The following ULK4 variants were observed in gnomAD, a reference collection of about 807,000 sequenced individuals.
The protein encoded by ULK4 is inactive serine/threonine-protein kinase ULK4.
Under a neutral mutation model 160.6 loss-of-function variants are expected in ULK4, and 133 were observed. The observed-to-expected ratio is 0.83, with a 90% confidence interval of 0.72 to 0.96. The LOEUF (loss-of-function observed/expected upper bound fraction) is 0.96, where lower values mean the gene tolerates loss of function less well. ULK4 is among the 40% of genes least tolerant of loss of function. ULK4 has a pLI of 0.00. For missense variants in ULK4, 1,580 were observed against 1,499.5 expected, an observed-to-expected ratio of 1.05 and a Z score of -0.89; for synonymous variants, 534 against 539.8, an observed-to-expected ratio of 0.99 and a Z score of 0.15.
At chr3:41,736,555 T>C (rs1439112965) in intron 22 of ULK4, among the ~76,000 whole-genome samples, 1 of 151,992 alleles carries the variant, frequency 6.6e-6, no homozygotes, top group Non-Finnish European at 1.5e-5. Context: ...TTTTTCCTTG[T>C]AAACTTGTTT....
At chr3:41,474,450 G>C (rs2084081935) in intron 32 of ULK4, among the ~76,000 whole-genome samples, 1 of 152,046 alleles carries the variant, frequency 6.6e-6, no homozygotes, top group Non-Finnish European at 1.5e-5. Context: ...ACTATTCTGG[G>C]CAGTAACTTT....
At chr3:41,773,857 C>A (rs1391090048) in intron 21 of ULK4, among the ~76,000 whole-genome samples, 3 of 152,172 alleles carry the variant, frequency 2.0e-5, no homozygotes, top group Non-Finnish European at 2.9e-5. Flanking sequence ...CAGCATGGTA[C>A]TGGTACCAAA....
At chr3:41,557,039 G>A (rs1042488341) in intron 32 of ULK4, among the ~76,000 whole-genome samples, 3 of 152,010 alleles carry the variant, frequency 2.0e-5, no homozygotes, top group Non-Finnish European at 4.4e-5. Context: ...CATAACTGTG[G>A]TTACTGACTC....
chr3:41,589,820 G>T (rs944293244), intron 31 of ULK4, among the ~76,000 whole-genome samples: 1 of 151,934 alleles, frequency 6.6e-6, no homozygotes, highest in Admixed American at 6.6e-5. Context: ...AAGAAGAAAT[G>T]CAAGAATGGG....
chr3:41,363,240 T>C (rs2081183828), intron 35 of ULK4, among the ~76,000 whole-genome samples: 1 of 152,182 alleles, frequency 6.6e-6, no homozygotes, highest in Non-Finnish European at 1.5e-5. Context: ...CCCCAGGGGC[T>C]GAGGATTATC....
chr3:41,544,607 T>C (rs1006145592), intron 32 of ULK4, among the ~76,000 whole-genome samples: 2 of 152,234 alleles, frequency 1.3e-5, no homozygotes, highest in African/African-American at 4.8e-5. Context: ...CAAACTCTTC[T>C]TTGCTCCAGA....
At chr3:41,940,657 C>CA (rs778506649) in intron 2 of ULK4, among the ~76,000 whole-genome samples, 3 of 151,024 alleles carry the variant, frequency 2.0e-5, no homozygotes, top group South Asian at 2.1e-4. Context: ...ACCCCACCTC[C>CA]AAAAAAAATA....
intron 21 of ULK4, 57 bp downstream of exon 21, chr3:41,789,604 A>T (rs2040090022): frequency 6.9e-7 from 1 of 1,450,064 alleles, no homozygotes; most frequent in African/African-American, 1.4e-5. Flanking sequence ...TGGAACCACT[A>T]AAATGCAGAA....
At chr3:41,564,776 T>C (rs913106374) in intron 32 of ULK4, among the ~76,000 whole-genome samples, 1 of 152,068 alleles carries the variant, frequency 6.6e-6, no homozygotes, top group Non-Finnish European at 1.5e-5. Flanking sequence ...TATTTGTTTT[T>C]TATAAATCGA....
At chr3:41,824,923 C>A (rs113459542) in intron 18 of ULK4, among the ~76,000 whole-genome samples, 4 of 152,232 alleles carry the variant, frequency 2.6e-5, no homozygotes, top group African/African-American at 9.6e-5. Context: ...CCAGTAGGGG[C>A]AGACTGACAC....
chr3:41,942,308 C>T (rs1479693335), intron 2 of ULK4, among the ~76,000 whole-genome samples: 3 of 152,112 alleles, frequency 2.0e-5, no homozygotes, highest in South Asian at 2.1e-4. Flanking sequence ...GACTTGAGGT[C>T]AGAAGTTTAA....
intron 1 of ULK4, among the ~76,000 whole-genome samples, chr3:41,958,697 C>T (rs1225060507): frequency 1.4e-5 from 2 of 145,372 alleles, no homozygotes; most frequent in Non-Finnish European, 3.0e-5. Flanking sequence ...GCCTGGGTGA[C>T]AAGAGTGAAA....
intron 31 of ULK4, among the ~76,000 whole-genome samples, chr3:41,580,755 G>A (rs2030251744): frequency 6.6e-6 from 1 of 152,170 alleles, no homozygotes; most frequent in African/African-American, 2.4e-5. Flanking sequence ...AGCAGGGAAG[G>A]GCACTGCAGC....
At chr3:41,473,010 T>C (rs191535415) in intron 32 of ULK4, among the ~76,000 whole-genome samples, 3 of 152,298 alleles carry the variant, frequency 2.0e-5, no homozygotes, top group African/African-American at 7.2e-5. Flanking sequence ...AAAAAAATTA[T>C]ATAATCAATA....
chr3:41,888,889 C>T (rs1324583254), intron 16 of ULK4, among the ~76,000 whole-genome samples: 2 of 152,178 alleles, frequency 1.3e-5, no homozygotes, highest in Non-Finnish European at 2.9e-5. Flanking sequence ...TAAAGTCAAC[C>T]AGTCAGCAGG....
chr3:41,586,087 G>T (rs1291629257), intron 31 of ULK4, among the ~76,000 whole-genome samples: 1 of 152,172 alleles, frequency 6.6e-6, no homozygotes, highest in East Asian at 1.9e-4. Context: ...AAAACAGTAT[G>T]GAGGTTACTC....
chr3:41,334,634 G>T (rs9862900), intron 35 of ULK4, among the ~76,000 whole-genome samples: 3 of 152,058 alleles, frequency 2.0e-5, no homozygotes, highest in African/African-American at 4.8e-5. Context: ...TCCACTTCCA[G>T]GGCTCTCCAA....
intron 13 of ULK4, among the ~76,000 whole-genome samples, chr3:41,900,515 T>C (rs1453316806): frequency 6.6e-6 from 1 of 151,994 alleles, no homozygotes; most frequent in African/African-American, 2.4e-5. Context: ...GGAGAAAACT[T>C]AGAACTCCAG....
chr3:41,356,463 T>C (rs1388552362), intron 35 of ULK4, among the ~76,000 whole-genome samples: 1 of 152,192 alleles, frequency 6.6e-6, no homozygotes, highest in African/African-American at 2.4e-5. Flanking sequence ...GCATCCCAAA[T>C]CACAGCATCA....
Sources: allele counts gnomAD v4.1 joint callset (sites outside exome capture counted in the v4.1 genomes callset), GRCh38; gene constraint gnomAD v4.1.1; transcripts MANE v1.5; gene names NCBI Gene and HGNC (gene_info 2026-07-23, HGNC 2026-07-21).